The following SHANK2 variants were observed in gnomAD, a reference collection of about 807,000 sequenced individuals.
SHANK2 encodes SH3 and multiple ankyrin repeat domains protein 2.
In SHANK2, 43 loss-of-function variants were observed where a neutral mutation model predicts 133.7. The observed-to-expected ratio is 0.32, with a 90% CI of 0.25 to 0.41. The LOEUF is 0.41. Among genes scored for constraint, SHANK2 ranks in the 10% least tolerant of loss-of-function variants. SHANK2 has a pLI of 1.00. For synonymous variants in SHANK2, 1,017 were observed against 952.8 expected (o/e 1.07, Z -1.24); for missense variants, 1,994 against 2,235.8 (o/e 0.89, Z 2.18).
At chr11:70,646,651 C>G (rs192538020) in intron 17 of SHANK2, among the ~76,000 whole-genome samples, 2 of 152,162 alleles carry the variant, frequency 1.3e-5, no homozygotes, top group African/African-American at 4.8e-5. Flanking sequence ...CAAGCAGTTG[C>G]TCAAAATAAC....
chr11:70,576,200 AGAC>A (rs2060113597), intron 17 of SHANK2, among the ~76,000 whole-genome samples: 1 of 152,150 alleles, frequency 6.6e-6, no homozygotes, highest in South Asian at 2.1e-4. Flanking sequence ...GCTGGGATGC[AGAC>A]GAGGAAAGGA....
chr11:70,551,131 AT>A (rs1200182611), intron 17 of SHANK2, among the ~76,000 whole-genome samples: 5 of 151,672 alleles, frequency 3.3e-5, no homozygotes, highest in African/African-American at 9.7e-5. Context: ...GCATTTTCAC[AT>A]GTGCTCACTC....
chr11:70,806,650 G>A (rs1555051916), intron 13 of SHANK2, among the ~76,000 whole-genome samples: 5 of 152,248 alleles, frequency 3.3e-5, no homozygotes, highest in Non-Finnish European at 4.4e-5. Context: ...AGACCCCAAA[G>A]CCGACCCATG....
chr11:70,884,219 G>T (rs529822148), intron 11 of SHANK2, among the ~76,000 whole-genome samples: 4 of 152,196 alleles, frequency 2.6e-5, no homozygotes, highest in African/African-American at 9.7e-5. Flanking sequence ...TGATAATAAC[G>T]GGGTCAGGGG....
intron 14 of SHANK2, among the ~76,000 whole-genome samples, chr11:70,745,822 A>G (rs933074408): frequency 1.3e-5 from 2 of 152,344 alleles, no homozygotes; most frequent in Admixed American, 1.3e-4. Flanking sequence ...TGAGGATGCA[A>G]ATGCAACTGA....
chr11:71,205,647 C>A (rs1954112841), intron 2 of SHANK2, among the ~76,000 whole-genome samples: 1 of 152,178 alleles, frequency 6.6e-6, no homozygotes, highest in African/African-American at 2.4e-5. Flanking sequence ...ACCACACTTC[C>A]AAATTTTACC....
intron 14 of SHANK2, among the ~76,000 whole-genome samples, chr11:70,780,152 C>T (rs1947450584): frequency 3.3e-5 from 5 of 152,236 alleles, no homozygotes; most frequent in Admixed American, 3.3e-4. Context: ...CCAACTATGC[C>T]TGATGCCAGA....
At chr11:70,912,681 G>A (rs1950213257) in intron 10 of SHANK2, among the ~76,000 whole-genome samples, 1 of 152,172 alleles carries the variant, frequency 6.6e-6, no homozygotes, top group Non-Finnish European at 1.5e-5. Context: ...CAGAAATGAA[G>A]GGGGCGCTCC....
chr11:70,648,457 T>C lies in SHANK2; in HGVS notation c.2061+11371A>G, dbSNP rs115786145. 5.3e-3 allele frequency among the ~76,000 whole-genome samples: 807 copies of C among 152,328 alleles called. 9 individuals carry two copies. Among genetic ancestry groups the C allele is most frequent in the African/African-American group, 0.019 (776 of 41,576 alleles). On this transcript the variant is annotated intron_variant, in intron 17 of 25. Transcript: ENST00000601538. ...CCTGGTGGCAGCATCCCTGGTTTTT[T>C]CTTTGGCTTCTCTGCATTACCAATT...
rs193182930 is a variant in SHANK2, at chr11:71,243,470, G to A, written c.-113+8955C>T. On this transcript the variant is annotated intron_variant, in intron 1 of 25. Coordinates refer to ENST00000601538, the MANE Select transcript of SHANK2 (RefSeq NM_012309.5). ...AGAACTTTGGGAGGCTGAGGCGGGCGGATCACGAGGTCAGGAGATCAAGAC... is the reference window on the plus strand; with the variant it reads ...AGAACTTTGGGAGGCTGAGGCGGGCAGATCACGAGGTCAGGAGATCAAGAC... Among the ~76,000 whole-genome samples the A allele has an allele frequency of 3.3e-3, 503 of 152,242 alleles. 2 individuals are homozygous for A. The highest frequency in any genetic ancestry group is 0.011 in the African/African-American group (442 of 41,552).
chr11:70,895,791 C>A (rs1355699538), intron 11 of SHANK2, among the ~76,000 whole-genome samples: 1 of 152,044 alleles, frequency 6.6e-6, no homozygotes, highest in Non-Finnish European at 1.5e-5. Flanking sequence ...ACATCCATTG[C>A]TTGATGCTTA....
intron 10 of SHANK2, among the ~76,000 whole-genome samples, chr11:70,953,808 T>C (rs1338984144): frequency 2.6e-5 from 4 of 152,286 alleles, no homozygotes; most frequent in South Asian, 2.1e-4. Flanking sequence ...CTCAATCAAG[T>C]TGATGTGTAA....
intron 10 of SHANK2, among the ~76,000 whole-genome samples, chr11:70,939,652 C>T (rs1467325455): frequency 6.6e-6 from 1 of 152,100 alleles, no homozygotes; most frequent in Non-Finnish European, 1.5e-5. Flanking sequence ...TCCTGGTCCA[C>T]CCTGGTCCTA....
chr11:71,139,140 A>G (rs1952504011), intron 3 of SHANK2, among the ~76,000 whole-genome samples: 1 of 152,114 alleles, frequency 6.6e-6, no homozygotes. Context: ...TGGGACACTC[A>G]TTTTCCCTGA....
rs557439279 is a variant in SHANK2, at chr11:70,799,254, T to C, written c.1664-698A>G. ...CTCTACTAAAAATACAAAAATTAGCTGGGCATGGTGGCCCATGCCTGTAAT... is the reference window on the plus strand; with the variant it reads ...CTCTACTAAAAATACAAAAATTAGCCGGGCATGGTGGCCCATGCCTGTAAT... On this transcript the variant is annotated intron_variant, in intron 13 of 25. Coordinates refer to ENST00000601538, the MANE Select transcript of SHANK2 (RefSeq NM_012309.5). 9.9e-5 allele frequency among the ~76,000 whole-genome samples: 15 copies of C among 152,154 alleles called. 1 individual carries two copies. The South Asian group carries it at 3.1e-3, about 32-fold the overall frequency.
intron 2 of SHANK2, among the ~76,000 whole-genome samples, chr11:71,205,431 T>G (rs1954108922): frequency 6.6e-6 from 1 of 152,138 alleles, no homozygotes; most frequent in African/African-American, 2.4e-5. Flanking sequence ...TGCGAGAACC[T>G]CCACCCTCCA....
At chr11:70,706,603 G>A (rs936012278) in intron 14 of SHANK2, among the ~76,000 whole-genome samples, 3 of 152,010 alleles carry the variant, frequency 2.0e-5, no homozygotes, top group East Asian at 3.9e-4. Flanking sequence ...TTGTCAACCC[G>A]ACACATCCCT....
intron 14 of SHANK2, among the ~76,000 whole-genome samples, chr11:70,728,247 C>T (rs1946214244): frequency 6.6e-6 from 1 of 152,122 alleles, no homozygotes; most frequent in South Asian, 2.1e-4. Context: ...TGAGAGTGTC[C>T]CACACCTCCC....
intron 17 of SHANK2, among the ~76,000 whole-genome samples, chr11:70,614,734 G>C (rs34307042): frequency 6.6e-6 from 1 of 152,220 alleles, no homozygotes; most frequent in Admixed American, 6.5e-5. Context: ...GTTGCTGTGA[G>C]AGCAAGGATG....
Sources: gnomAD v4.1 joint callset for allele counts (sites outside exome capture counted in the v4.1 genomes callset) on GRCh38, gnomAD v4.1.1 for gene constraint, MANE v1.5 for transcripts, NCBI Gene and HGNC (gene_info 2026-07-23, HGNC 2026-07-21) for gene names.